ROBO2: variants seen among roughly 807,000 people sequenced by gnomAD.
ROBO2 encodes roundabout guidance receptor 2.
A neutral mutation model predicts 160.8 loss-of-function variants in ROBO2; 53 were observed. That is an observed-to-expected ratio of 0.33 (90% confidence interval 0.26 to 0.41). The LOEUF is 0.41. Ranked by LOEUF, ROBO2 falls within the 10% of genes least tolerant of loss-of-function variation. ROBO2 has a pLI of 1.00. For missense variants in ROBO2, 1,577 were observed against 1,722.4 expected, an observed-to-expected ratio of 0.92 and a Z score of 1.49; for synonymous variants, 664 against 611.7, an observed-to-expected ratio of 1.09 and a Z score of -1.26.
At chr3:76,058,884 G>A (rs1161671763) in intron 2 of ROBO2, among the ~76,000 whole-genome samples, 1 of 143,358 alleles carries the variant, frequency 7.0e-6, no homozygotes, top group Non-Finnish European at 1.5e-5. Flanking sequence ...CCACCTATGA[G>A]TGAGAACATG....
At chr3:76,708,446 G>T (rs2093216920) in intron 2 of ROBO2, among the ~76,000 whole-genome samples, 2 of 152,170 alleles carry the variant, frequency 1.3e-5, no homozygotes, top group Non-Finnish European at 2.9e-5. Context: ...TGAAGTGGAA[G>T]TTTAAGGATA....
At chr3:76,459,995 A>T (rs2106753228) in intron 2 of ROBO2, among the ~76,000 whole-genome samples, 1 of 152,320 alleles carries the variant, frequency 6.6e-6, no homozygotes, top group Admixed American at 6.5e-5. Flanking sequence ...TAAGAATATT[A>T]CTATTAAAAA....
chr3:76,010,886 A>G (rs1057056080), intron 2 of ROBO2, among the ~76,000 whole-genome samples: 1 of 152,182 alleles, frequency 6.6e-6, no homozygotes, highest in Non-Finnish European at 1.5e-5. Flanking sequence ...AGGTAAATAA[A>G]TATCTCATTT....
At chr3:76,141,159 CTATATATATA>C (rs55778369) in intron 2 of ROBO2, among the ~76,000 whole-genome samples, 2 of 9,172 alleles carry the variant, frequency 2.2e-4, no homozygotes, top group African/African-American at 4.3e-4. Context: ...CTCTCTCTCT[CTATATATATA>C]TATATATATA....
At chr3:76,810,586 C>T (rs1320740880) in intron 2 of ROBO2, among the ~76,000 whole-genome samples, 1 of 151,964 alleles carries the variant, frequency 6.6e-6, no homozygotes, top group Non-Finnish European at 1.5e-5. Flanking sequence ...TAAACTTAGG[C>T]AGCATTCATA....
intron 2 of ROBO2, among the ~76,000 whole-genome samples, chr3:77,231,332 C>T (rs1180545666): frequency 7.6e-6 from 1 of 131,428 alleles, no homozygotes; most frequent in Non-Finnish European, 1.5e-5. Context: ...CACTGTACTC[C>T]AGCCTGGGCA....
exon 26 of ROBO2, chr3:77,648,078 G>C (rs2095424822): frequency 6.6e-6 from 1 of 152,116 alleles, no homozygotes; most frequent in East Asian, 1.9e-4. Context: ...TACCATCAGT[G>C]CCTGAATTCT....
intron 2 of ROBO2, among the ~76,000 whole-genome samples, chr3:75,966,525 G>A (rs1412907515): frequency 6.6e-6 from 1 of 151,690 alleles, no homozygotes; most frequent in Non-Finnish European, 1.5e-5. Flanking sequence ...AATACAGACT[G>A]TGGTGCTGCC....
chr3:77,213,623 T>A (rs929809478), intron 2 of ROBO2, among the ~76,000 whole-genome samples: 17 of 152,196 alleles, frequency 1.1e-4, no homozygotes, highest in African/African-American at 3.9e-4. Context: ...TCTGCTAGCT[T>A]TTGAATGTGT....
intron 5 of ROBO2, among the ~76,000 whole-genome samples, chr3:77,496,921 C>T (rs903855857): frequency 6.6e-6 from 1 of 152,026 alleles, no homozygotes. Flanking sequence ...TAGTCTTAAA[C>T]TCCTGACCTT....
At chr3:76,188,731 C>G (rs1227838600) in intron 2 of ROBO2, among the ~76,000 whole-genome samples, 1 of 152,076 alleles carries the variant, frequency 6.6e-6, no homozygotes, top group Non-Finnish European at 1.5e-5. Context: ...AAAGTCCTAG[C>G]ATGCATCAGT....
At chr3:77,554,286 G>T (rs1597089) in intron 8 of ROBO2, among the ~76,000 whole-genome samples, 84,919 of 151,720 alleles carry the variant, frequency 0.56, 23,827 homozygotes, top group Middle Eastern at 0.68. Context: ...TTCAAAATAT[G>T]ACTTCTCATC....
At chr3:76,382,345 T>G (rs1192863814) in intron 2 of ROBO2, among the ~76,000 whole-genome samples, 1 of 152,100 alleles carries the variant, frequency 6.6e-6, no homozygotes, top group African/African-American at 2.4e-5. Flanking sequence ...TCCCAGCACT[T>G]TGGGAGGCCG....
At chr3:77,130,819 C>T (rs58162552) in intron 2 of ROBO2, among the ~76,000 whole-genome samples, 4,412 of 152,156 alleles carry the variant, frequency 0.029, 223 homozygotes, top group African/African-American at 0.099. Context: ...AAGTAATCGC[C>T]ATGATTTTCT....
chr3:76,983,874 A>AT (rs2060229800), intron 2 of ROBO2, among the ~76,000 whole-genome samples: 1 of 152,210 alleles, frequency 6.6e-6, no homozygotes, highest in South Asian at 2.1e-4. Flanking sequence ...CTATGGAGAA[A>AT]TACCCAAGAC....
At chr3:76,456,035 TAGC>T in intron 2 of ROBO2, among the ~76,000 whole-genome samples, 1 of 152,198 alleles carries the variant, frequency 6.6e-6, no homozygotes, top group South Asian at 2.1e-4. Flanking sequence ...CATGTCTCAT[TAGC>T]ATGTTTAGAC....
chr3:76,798,176 GAA>G (rs1287738095), intron 2 of ROBO2, among the ~76,000 whole-genome samples: 55 of 110,634 alleles, frequency 5.0e-4, no homozygotes, highest in African/African-American at 1.7e-3. Flanking sequence ...GAAAGGGAGA[GAA>G]AGAAAGAAAG....
intron 2 of ROBO2, among the ~76,000 whole-genome samples, chr3:76,553,065 G>C (rs962466183): frequency 6.6e-6 from 1 of 152,110 alleles, no homozygotes; most frequent in Non-Finnish European, 1.5e-5. Context: ...CAATAGGAGA[G>C]ATAGGATGTG....
chr3:76,631,182 T>G (rs1439390540), intron 2 of ROBO2, among the ~76,000 whole-genome samples: 1 of 152,216 alleles, frequency 6.6e-6, no homozygotes, highest in Non-Finnish European at 1.5e-5. Context: ...AAGGAAATAT[T>G]AAATCTAATT....
Sources: allele counts gnomAD v4.1 joint callset (sites outside exome capture counted in the v4.1 genomes callset), GRCh38; gene constraint gnomAD v4.1.1; transcripts MANE v1.5; gene names NCBI Gene and HGNC (gene_info 2026-07-23, HGNC 2026-07-21).